The following TRPM5 variants were observed in gnomAD, a reference collection of about 807,000 sequenced individuals.
The protein encoded by TRPM5 is transient receptor potential cation channel subfamily M member 5, also known as MLSN1 and TRP-related.
TRPM5 carries 121 observed loss-of-function variants against 124.9 expected under a neutral mutation model. The ratio of observed to expected loss-of-function variants is 0.97; its 90% CI spans 0.84 to 1.13. The LOEUF is 1.13. Ranked by LOEUF, TRPM5 falls within the 50% of genes most tolerant of loss-of-function variation. TRPM5 has a pLI of 0.00. For missense variants in TRPM5, 1,643 were observed against 1,589.1 expected (o/e 1.03, Z -0.58); for synonymous variants, 781 against 700.5 (o/e 1.11, Z -1.81).
At chr11:2,443,162 C>T in the TRPM5 span, among the ~76,000 whole-genome samples, 2 of 152,200 alleles carry the variant, frequency 1.3e-5, no homozygotes. This position sits in a 1 kb window ranked among gnomAD's most constrained non-coding sequence, Gnocchi z 5.0. Context: ...ATGGCTTCAT[C>T]TCACCCTTTA....
At chr11:2,417,482 AAAC>A (rs1845702939) in intron 7 of TRPM5, among the ~76,000 whole-genome samples, 1 of 152,184 alleles carries the variant, frequency 6.6e-6, no homozygotes, top group South Asian at 2.1e-4. Context: ...AACAAACAAA[AAAC>A]AACCCCCCCA....
chr11:2,436,735 C>T, the TRPM5 span, among the ~76,000 whole-genome samples: 1 of 152,238 alleles, frequency 6.6e-6, no homozygotes, highest in Admixed American at 6.5e-5. Flanking sequence ...CTCCAAGAAT[C>T]GATGCTGTGT....
chr11:2,420,040 CT>C, intron 4 of TRPM5, among the ~76,000 whole-genome samples, 181 bp downstream of exon 9: 1 of 151,800 alleles, frequency 6.6e-6, no homozygotes. Context: ...ACAGCTCCTC[CT>C]CCCAGGCCCC....
At chr11:2,418,287 C>T in exon 6 of TRPM5, 1 of 1,576,864 alleles carries the variant, frequency 6.3e-7, no homozygotes, top group Non-Finnish European at 8.6e-7. Flanking sequence ...GGGCAGCAAG[C>T]ACATCGGCGA....
chr11:2,432,473 T>A, the TRPM5 span, among the ~76,000 whole-genome samples: 20 of 152,168 alleles, frequency 1.3e-4, no homozygotes, highest in African/African-American at 4.8e-4. Flanking sequence ...AGCTCTCTCC[T>A]GCCAAGCCCT....
chr11:2,421,140 G>T (rs756532560), exon 3 of TRPM5: 2 of 1,542,460 alleles, frequency 1.3e-6, no homozygotes, highest in Non-Finnish European at 1.7e-6. Context: ...GGTCGCGCAC[G>T]GCCTGCCCGA....
upstream of TRPM5, among the ~76,000 whole-genome samples, chr11:2,424,027 G>A (rs554658815): frequency 5.9e-5 from 9 of 152,302 alleles, no homozygotes; most frequent in East Asian, 1.2e-3. Flanking sequence ...GGAACCACGC[G>A]TCGGGTCACA....
chr11:2,404,748 G>GA (rs1850278208), exon 24 of TRPM5: 1 of 569,288 alleles, frequency 1.8e-6, no homozygotes, highest in Non-Finnish European at 3.1e-6. Flanking sequence ...TGTGCCTCCG[G>GA]GGAGGCCAGG....
chr11:2,428,438 AGGTGAT>A, the TRPM5 span, among the ~76,000 whole-genome samples: 1 of 152,046 alleles, frequency 6.6e-6, no homozygotes. The surrounding 1 kb of genome is among the most constrained non-coding windows in gnomAD (Gnocchi z 4.0). Flanking sequence ...TAACGGGTGA[AGGTGAT>A]GGTGGTGGTG....
At chr11:2,421,705 C>G (rs1257121204) in intron 2 of TRPM5, among the ~76,000 whole-genome samples, 1 of 152,214 alleles carries the variant, frequency 6.6e-6, no homozygotes, top group Non-Finnish European at 1.5e-5. Flanking sequence ...TGGACTCTGG[C>G]CCCTGCAGCT....
At chr11:2,414,265 C>G (rs573938041) in intron 11 of TRPM5, 59 bp from the exon 17 acceptor site, 65 of 1,547,840 alleles carry the variant, frequency 4.2e-5, no homozygotes, top group Non-Finnish European at 5.7e-5. Context: ...CGGCCCCCGA[C>G]GCCCCTCCTC....
In TRPM5 at chr11:2,418,172, T is replaced by G. The variant is rs780628673; in HGVS notation, c.901A>C (p.Lys301Gln). 19 of 1,566,786 alleles carry G rather than the reference T, an allele frequency of 1.2e-5. No homozygotes were observed. In the Admixed American group the frequency reaches 3.5e-4, roughly 29 times the overall value. The change falls in exon 6 of 24, where the codon AAG becomes CAG. Residue 301 changes from lysine (K) to glutamine (Q), a missense_variant. By Grantham distance (53) the Lys-to-Gln change is moderately conservative (BLOSUM62 1). Transcript: ENST00000155858. ...GGGGAGGGGGCAGCACATACCAGCTTGGTCCAGCGCACGATGTCCTCCCAA... is the reference window on the plus strand; with the variant it reads ...GGGGAGGGGGCAGCACATACCAGCTGGGTCCAGCGCACGATGTCCTCCCAA...
upstream of TRPM5, among the ~76,000 whole-genome samples, chr11:2,426,872 C>T (rs950596375): frequency 6.6e-6 from 1 of 152,216 alleles, no homozygotes; most frequent in Non-Finnish European, 1.5e-5. Context: ...CCCTGGGCTG[C>T]AGTGGAGGAC....
At chr11:2,433,855 G>A in the TRPM5 span, among the ~76,000 whole-genome samples, 10 of 152,270 alleles carry the variant, frequency 6.6e-5, no homozygotes, top group South Asian at 8.3e-4. Context: ...CTGTGTGTGC[G>A]GACAGCAGGT....
the TRPM5 span, among the ~76,000 whole-genome samples, chr11:2,441,404 C>G: frequency 2.6e-5 from 4 of 152,098 alleles, no homozygotes; most frequent in Non-Finnish European, 5.9e-5. This position sits in a 1 kb window ranked among gnomAD's most constrained non-coding sequence, Gnocchi z 7.2. Context: ...CTTACTCCCC[C>G]ACCCTCAGCC....
intron 21 of TRPM5, 94 bp from the exon 27 acceptor site, chr11:2,406,185 G>T: frequency 7.1e-7 from 1 of 1,401,896 alleles, no homozygotes; most frequent in South Asian, 1.2e-5. Context: ...CTGTGTGCCC[G>T]AGTTTGGGGT....
intron 18 of TRPM5, among the ~76,000 whole-genome samples, chr11:2,410,388 G>A (rs941983952): frequency 6.6e-6 from 1 of 151,962 alleles, no homozygotes; most frequent in African/African-American, 2.4e-5. Context: ...TGCCATGACT[G>A]CCCCGTGCCG....
chr11:2,414,016 C>CCCCCCCCCCCCCCCCCCCCCCCCCCCCCG, intron 12 of TRPM5, 45 bp downstream of exon 17: 1 of 1,259,554 alleles, frequency 7.9e-7, no homozygotes, highest in Admixed American at 2.2e-5. Flanking sequence ...CTCGCCCGCC[C>CCCCCCCCCCCCCCCCCCCCCCCCCCCCCG]ACCCCACCCC....
exon 24 of TRPM5, chr11:2,404,533 C>T (rs892677091): frequency 5.7e-6 from 1 of 176,094 alleles, no homozygotes; most frequent in South Asian, 1.9e-4. Flanking sequence ...AAAGATGAGT[C>T]TCTTGTCAGG....
Sources: gnomAD v4.1 joint callset for allele counts (sites outside exome capture counted in the v4.1 genomes callset) on GRCh38, gnomAD v4.1.1 for gene constraint, Gnocchi (gnomAD v3.1) non-coding constraint, MANE v1.5 for transcripts, NCBI Gene and HGNC (gene_info 2026-07-23, HGNC 2026-07-21) for gene names.